The following PARP16 variants were observed in gnomAD, a reference collection of about 807,000 sequenced individuals.
PARP16 encodes the protein poly(ADP-ribose) polymerase family member 16, also known as protein mono-ADP-ribosyltransferase PARP16.
Under a neutral mutation model 35.0 loss-of-function variants are expected in PARP16, and 31 were observed. The observed-to-expected ratio is 0.88, with a 90% CI of 0.66 to 1.19. PARP16 has a LOEUF of 1.19. PARP16 is among the 50% of genes most tolerant of loss of function. The pLI, the probability that PARP16 is intolerant of heterozygous loss-of-function variation, is 0.00. For synonymous variants in PARP16, 162 were observed against 169.5 expected (o/e 0.96, Z 0.34); for missense variants, 424 against 411.2 (o/e 1.03, Z -0.27).
At chr15:65,239,114 G>A (rs1054196551) in intron 3 of PARP16, among the ~76,000 whole-genome samples, 6 of 152,080 alleles carry the variant, frequency 3.9e-5, no homozygotes, top group Non-Finnish European at 7.4e-5. Flanking sequence ...CTGGGTGACA[G>A]AGTGGGATCC....
chr15:65,285,506 A>G (rs762596769), intron 1 of PARP16: 2 of 400,354 alleles, frequency 5.0e-6, no homozygotes, highest in Admixed American at 2.6e-5. Context: ...TTAAATGGTG[A>G]CAGCTTTGCT....
chr15:65,276,531 G>A (rs1170625471), intron 1 of PARP16, among the ~76,000 whole-genome samples: 2 of 151,970 alleles, frequency 1.3e-5, no homozygotes, highest in East Asian at 3.9e-4. Flanking sequence ...GTGACATCAT[G>A]CCCAGCTAAT....
chr15:65,232,860 C>T (rs1324149390), downstream of PARP16, among the ~76,000 whole-genome samples: 3 of 151,852 alleles, frequency 2.0e-5, no homozygotes, highest in East Asian at 5.8e-4. Flanking sequence ...AGTTCAAGAC[C>T]ACCCTAGCCA....
At chr15:65,274,451 C>T (rs1194516075) in intron 1 of PARP16, among the ~76,000 whole-genome samples, 3 of 151,804 alleles carry the variant, frequency 2.0e-5, no homozygotes, top group Non-Finnish European at 2.9e-5. Flanking sequence ...GTGGTGTACA[C>T]CTGTAGTCCC....
At chr15:65,259,801 C>T (rs1196842270) in intron 5 of PARP16, among the ~76,000 whole-genome samples, 1 of 152,194 alleles carries the variant, frequency 6.6e-6, no homozygotes, top group Non-Finnish European at 1.5e-5. Context: ...CCTTTTGTAG[C>T]TCCTCTTTTA....
intron 4 of PARP16, among the ~76,000 whole-genome samples, chr15:65,261,316 G>T (rs1164138830): frequency 1.3e-5 from 2 of 151,282 alleles, no homozygotes; most frequent in Admixed American, 6.6e-5. Flanking sequence ...CCATAGCAAA[G>T]AAATACGCTG....
At chr15:65,247,594 G>C (rs746518912) in intron 3 of PARP16, among the ~76,000 whole-genome samples, 1 of 152,064 alleles carries the variant, frequency 6.6e-6, no homozygotes, top group African/African-American at 2.4e-5. Context: ...AGTCTAAGCT[G>C]AGCACAGGAC....
chr15:65,251,602 GGATCCCCAGCAAAACTTATGGTTCATTTT>G (rs11270085), intron 2 of PARP16, among the ~76,000 whole-genome samples: 61,120 of 151,836 alleles, frequency 0.4, 13,978 homozygotes, highest in East Asian at 0.86. Flanking sequence ...CTCTTTCCCA[GGATCCCCAGCAAAACTTATGGTTCATTTT>G]GATGAGATAC....
At chr15:65,277,019 T>A (rs1370090199) in intron 1 of PARP16, among the ~76,000 whole-genome samples, 3 of 152,062 alleles carry the variant, frequency 2.0e-5, no homozygotes, top group Non-Finnish European at 4.4e-5. Flanking sequence ...TCATCTTAAA[T>A]TCAAATTTAA....
At chr15:65,252,468 C>A (rs752430771) in intron 2 of PARP16, among the ~76,000 whole-genome samples, 16 of 152,192 alleles carry the variant, frequency 1.1e-4, no homozygotes, top group Non-Finnish European at 2.1e-4. Flanking sequence ...TTTAAAGCAG[C>A]CTGCGATCCA....
At chr15:65,244,124 C>G (rs2089146180) in intron 3 of PARP16, among the ~76,000 whole-genome samples, 1 of 152,158 alleles carries the variant, frequency 6.6e-6, no homozygotes, top group Non-Finnish European at 1.5e-5. Context: ...ATGGTCGTTT[C>G]TCATTCTCAA....
At position 65,286,596 on chromosome 15, in the gene PARP16, C is replaced by A. The variant is rs1595731890; in HGVS notation, c.-170G>T. 1 of 489,378 alleles carries A rather than the reference C, an allele frequency of 2.0e-6. No individual in the cohort carries two copies. 30.3% of individuals were successfully genotyped at this position (489,378 alleles called of 1,614,324 possible). On this transcript the variant is annotated 5_prime_UTR_variant, in exon 1 of 6. Transcript: ENST00000649807. ...GATGACAGGGGTGAGAACGTGCCGACAAGTGTCCTCTGCCGGGGTCTGGGC... is the reference window on the plus strand; with the variant it reads ...GATGACAGGGGTGAGAACGTGCCGAAAAGTGTCCTCTGCCGGGGTCTGGGC...
At chr15:65,273,876 CA>C (rs5813343) in intron 1 of PARP16, among the ~76,000 whole-genome samples, 33 of 137,260 alleles carry the variant, frequency 2.4e-4, no homozygotes, top group Admixed American at 4.4e-4. Flanking sequence ...AACTCTGTTT[CA>C]AAAAAAAAAA....
chr15:65,244,398 A>G (rs1456404468), intron 3 of PARP16, among the ~76,000 whole-genome samples: 1 of 152,182 alleles, frequency 6.6e-6, no homozygotes, highest in Non-Finnish European at 1.5e-5. Flanking sequence ...AGGCCTCACA[A>G]TCATGGCGGA....
chr15:65,273,562 T>A (rs1037848272), intron 1 of PARP16, among the ~76,000 whole-genome samples: 10 of 151,920 alleles, frequency 6.6e-5, no homozygotes, highest in African/African-American at 2.4e-4. Context: ...AGAGATTCAA[T>A]CAATAGCCTC....
At chr15:65,237,590 T>C (rs538604543) in intron 3 of PARP16, among the ~76,000 whole-genome samples, 18 of 149,544 alleles carry the variant, frequency 1.2e-4, no homozygotes, top group South Asian at 6.5e-4. Context: ...GAGAGGGAGA[T>C]TGGAGTGATG....
chr15:65,232,363 C>T (rs970329204), downstream of PARP16, among the ~76,000 whole-genome samples: 5 of 152,146 alleles, frequency 3.3e-5, no homozygotes, highest in Non-Finnish European at 5.9e-5. Context: ...AAATATTTTT[C>T]GTGTCAGTTC....
intron 1 of PARP16, among the ~76,000 whole-genome samples, chr15:65,281,552 G>A (rs887210542): frequency 7.9e-5 from 12 of 152,046 alleles, no homozygotes; most frequent in African/African-American, 2.7e-4. Context: ...TTAGCTGGGC[G>A]TCATGGCATC....
At chr15:65,262,999 G>A (rs2140861116) in intron 4 of PARP16, 150 bp downstream of exon 4, 4 of 673,608 alleles carry the variant, frequency 5.9e-6, no homozygotes, top group South Asian at 3.8e-5. Flanking sequence ...AAGACTGCTC[G>A]CTCCTTGGGC....
Sources: allele counts gnomAD v4.1 joint callset (sites outside exome capture counted in the v4.1 genomes callset), GRCh38; gene constraint gnomAD v4.1.1; transcripts MANE v1.5; gene names NCBI Gene and HGNC (gene_info 2026-07-23, HGNC 2026-07-21).